Variants in CACNG5 observed in about 807,000 individuals in gnomAD.
CACNG5 encodes voltage-dependent calcium channel gamma-5 subunit.
In CACNG5, 18 loss-of-function variants were observed where a neutral mutation model predicts 24.8. That is an observed-to-expected ratio of 0.73 (90% CI 0.50 to 1.08). CACNG5 has a LOEUF of 1.08. Ranked by LOEUF, CACNG5 falls within the 50% of genes least tolerant of loss-of-function variation. The pLI is 0.00. For missense variants in CACNG5, 349 were observed against 367.9 expected (o/e 0.95, Z 0.42); for synonymous variants, 157 against 149.1 (o/e 1.05, Z -0.39).
At chr17:66,871,807 C>T (rs1977011151) in intron 1 of CACNG5, among the ~76,000 whole-genome samples, 1 of 152,132 alleles carries the variant, frequency 6.6e-6, no homozygotes, top group Non-Finnish European at 1.5e-5. Context: ...TTGCAGTGAG[C>T]CAAGATCGCA....
At chr17:66,864,614 T>A (rs1976905417) in intron 1 of CACNG5, among the ~76,000 whole-genome samples, 1 of 152,236 alleles carries the variant, frequency 6.6e-6, no homozygotes, top group Non-Finnish European at 1.5e-5. Flanking sequence ...TCACCAGAAA[T>A]GGAAGTCTGA....
At chr17:66,873,532 A>G (rs997150160) in intron 1 of CACNG5, among the ~76,000 whole-genome samples, 17 of 152,302 alleles carry the variant, frequency 1.1e-4, no homozygotes, top group East Asian at 9.6e-4. Flanking sequence ...CAAGCTTAAC[A>G]TTAAGATTGG....
intron 1 of CACNG5, among the ~76,000 whole-genome samples, chr17:66,857,994 T>G (rs529262877): frequency 6.6e-6 from 1 of 152,176 alleles, no homozygotes; most frequent in Non-Finnish European, 1.5e-5. Context: ...TTGGGTTCTA[T>G]CCAATCCTGT....
At position 66,849,959 on chromosome 17, in the gene CACNG5, T is replaced by C. The variant is rs545379235; in HGVS notation, c.-104+14709T>C. ...TCACTGTGAAGGTCTAGAAATTAAATAATTAAGGAAGAAGAATTAAAATCC... is the reference window on the plus strand; with the variant it reads ...TCACTGTGAAGGTCTAGAAATTAAACAATTAAGGAAGAAGAATTAAAATCC... On this transcript the variant is annotated intron_variant, in intron 1 of 5. Coordinates refer to ENST00000533854, the MANE Select transcript of CACNG5 (RefSeq NM_145811.3). Among the ~76,000 whole-genome samples, 7 of 151,594 alleles carry C rather than the reference T, an allele frequency of 4.6e-5. No individual in the cohort carries two copies. The South Asian group carries it at 1.5e-3, about 31-fold the overall frequency.
At chr17:66,848,205 C>CA (rs1976663889) in intron 1 of CACNG5, among the ~76,000 whole-genome samples, 1 of 152,188 alleles carries the variant, frequency 6.6e-6, no homozygotes, top group South Asian at 2.1e-4. Flanking sequence ...GGTTGCTGCC[C>CA]ACTCTGAATC....
chr17:66,838,182 G>T (rs1976509440), intron 1 of CACNG5, among the ~76,000 whole-genome samples: 1 of 151,880 alleles, frequency 6.6e-6, no homozygotes, highest in East Asian at 1.9e-4. Context: ...CAAAATGACA[G>T]AGTATACCCT....
chr17:66,841,635 T>C (rs1357102798), intron 1 of CACNG5, among the ~76,000 whole-genome samples: 1 of 152,138 alleles, frequency 6.6e-6, no homozygotes, highest in African/African-American at 2.4e-5. Context: ...CTCAGGGGGC[T>C]GCCACAGGAG....
intron 1 of CACNG5, among the ~76,000 whole-genome samples, chr17:66,848,175 C>T (rs1239019207): frequency 6.6e-6 from 1 of 152,220 alleles, no homozygotes; most frequent in Admixed American, 6.5e-5. Flanking sequence ...CTGAACCTGA[C>T]AGCCCAGCCC....
At chr17:66,847,959 G>T (rs891137079) in intron 1 of CACNG5, among the ~76,000 whole-genome samples, 3 of 152,212 alleles carry the variant, frequency 2.0e-5, no homozygotes, top group Admixed American at 2.0e-4. Flanking sequence ...CTTGGCCGGG[G>T]TAGGCTGTGA....
chr17:66,878,506 G>A (rs539555562), intron 2 of CACNG5, among the ~76,000 whole-genome samples: 8 of 152,216 alleles, frequency 5.3e-5, no homozygotes, highest in Admixed American at 3.3e-4. Context: ...CTCAGACTGC[G>A]TGGCATTGGT....
intron 4 of CACNG5, among the ~76,000 whole-genome samples, chr17:66,883,859 C>A (rs1443653790): frequency 6.6e-6 from 1 of 152,170 alleles, no homozygotes; most frequent in African/African-American, 2.4e-5. Flanking sequence ...CAGTGCCAGG[C>A]GCAGTGGCTC....
chr17:66,855,093 G>A (rs1976755691), intron 1 of CACNG5, among the ~76,000 whole-genome samples: 1 of 152,192 alleles, frequency 6.6e-6, no homozygotes, highest in Admixed American at 6.5e-5. Flanking sequence ...AATTGGCGTT[G>A]CCTAGCAGAA....
chr17:66,854,589 G>A (rs1429139639), intron 1 of CACNG5, among the ~76,000 whole-genome samples: 3 of 151,774 alleles, frequency 2.0e-5, no homozygotes, highest in Non-Finnish European at 4.4e-5. Flanking sequence ...AGCTACTCAG[G>A]AGGCTGAGGC....
chr17:66,885,239 G>A lies in CACNG5; in HGVS notation c.827G>A (p.Ter276=). The A allele has an allele frequency of 4.4e-6, 7 of 1,576,060 alleles. No homozygotes were observed. The highest frequency in any genetic ancestry group is 5.1e-6 in the Non-Finnish European group (6 of 1,166,548). The change falls in exon 6 of 6, where the codon TGA becomes TAA. Residue 276 remains the stop codon, a stop_retained_variant. Coordinates refer to ENST00000533854, the MANE Select transcript of CACNG5 (RefSeq NM_145811.3). ...DYDQMSSSPC[*] ...GATCAGATGTCCTCTTCACCCTGCT[G>A]AGCCTCGGCCGCCCCCATCCCTGGA...
intron 1 of CACNG5, among the ~76,000 whole-genome samples, chr17:66,850,584 A>G (rs1397089578): frequency 7.1e-6 from 1 of 141,008 alleles, no homozygotes; most frequent in African/African-American, 2.8e-5. Flanking sequence ...ATATATATAT[A>G]CATACACAAA....
intron 1 of CACNG5, among the ~76,000 whole-genome samples, chr17:66,835,940 G>A (rs1976477289): frequency 6.6e-6 from 1 of 152,212 alleles, no homozygotes; most frequent in Non-Finnish European, 1.5e-5. Flanking sequence ...GTGATTCCCC[G>A]ATCTTTGCTC....
At chr17:66,844,876 C>G (rs991393006) in intron 1 of CACNG5, among the ~76,000 whole-genome samples, 3 of 152,158 alleles carry the variant, frequency 2.0e-5, no homozygotes, top group African/African-American at 7.2e-5. Context: ...TCTTTCTGAA[C>G]CCTTGGAATT....
intron 2 of CACNG5, among the ~76,000 whole-genome samples, chr17:66,878,757 G>A (rs1455127144): frequency 3.3e-5 from 5 of 152,250 alleles, no homozygotes; most frequent in Middle Eastern, 6.8e-3. Context: ...TCACACAGGC[G>A]CTTCTCCAGG....
chr17:66,836,059 C>G (rs1203603656), intron 1 of CACNG5, among the ~76,000 whole-genome samples: 1 of 152,188 alleles, frequency 6.6e-6, no homozygotes, highest in Non-Finnish European at 1.5e-5. Flanking sequence ...ATTCCGGGAG[C>G]CTGGCTGGGG....
Sources: allele counts gnomAD v4.1 joint callset (sites outside exome capture counted in the v4.1 genomes callset), GRCh38; gene constraint gnomAD v4.1.1; transcripts MANE v1.5; gene names NCBI Gene and HGNC (gene_info 2026-07-23, HGNC 2026-07-21).